Variants in SGCD observed in about 807,000 individuals in gnomAD.
SGCD encodes the protein sarcoglycan delta.
SGCD carries 18 observed loss-of-function variants against 36.6 expected under a neutral mutation model. The ratio of observed to expected loss-of-function variants is 0.49; its 90% CI spans 0.34 to 0.73. The LOEUF (loss-of-function observed/expected upper bound fraction) is 0.73, where lower values mean the gene tolerates loss of function less well. Among genes scored for constraint, SGCD ranks in the 30% least tolerant of loss-of-function variants. SGCD has a pLI of 0.01. For missense variants in SGCD, 387 were observed against 346.7 expected (o/e 1.12, Z -0.92); for synonymous variants, 133 against 130.6 (o/e 1.02, Z -0.12).
At chr5:156,171,558 A>G (rs901546371) in intron 3 of SGCD, among the ~76,000 whole-genome samples, 1 of 152,330 alleles carries the variant, frequency 6.6e-6, no homozygotes, top group East Asian at 1.9e-4. Flanking sequence ...TCACATTGTT[A>G]CGGTAACATT....
intron 3 of SGCD, among the ~76,000 whole-genome samples, chr5:156,310,624 T>G (rs1273663575): frequency 6.6e-6 from 1 of 152,188 alleles, no homozygotes; most frequent in African/African-American, 2.4e-5. Context: ...TTCAGTGAAA[T>G]TATTGTCTAG....
rs142965069 is a variant in SGCD, at chr5:156,269,252, G to A, written c.-43-60282G>A. On this transcript the variant is annotated intron_variant, in intron 3 of 9. Coordinates refer to the SGCD transcript ENST00000517913. ...TGGGAGTCCGAGACAGGCAGATCAC[G>A]AGGTCAGGAGATCAAGACCATCCTG... 1.6e-3 allele frequency among the ~76,000 whole-genome samples: 236 copies of A among 151,824 alleles called. 2 individuals carry two copies. In the East Asian group the frequency reaches 0.044, roughly 29 times the overall value.
At chr5:156,402,786 C>T (rs1772222996) in intron 3 of SGCD, among the ~76,000 whole-genome samples, 1 of 152,156 alleles carries the variant, frequency 6.6e-6, no homozygotes, top group Non-Finnish European at 1.5e-5. Context: ...GAAGCTAGTT[C>T]TACTTGGACG....
At chr5:155,840,588 T>TTG in the SGCD span, among the ~76,000 whole-genome samples, 59,825 of 146,776 alleles carry the variant, frequency 0.41, 13,112 homozygotes, top group African/African-American at 0.56. Flanking sequence ...TGCACCCGGC[T>TTG]TGTGTGTGTG....
chr5:155,850,782 A>G, the SGCD span, among the ~76,000 whole-genome samples: 1 of 152,142 alleles, frequency 6.6e-6, no homozygotes, highest in Non-Finnish European at 1.5e-5. Flanking sequence ...TTTCACAAAG[A>G]CAGAGCTATG....
chr5:156,307,482 A>G (rs1023665404), intron 3 of SGCD, among the ~76,000 whole-genome samples: 1 of 147,048 alleles, frequency 6.8e-6, no homozygotes, highest in Non-Finnish European at 1.5e-5. Flanking sequence ...AATCATTTAC[A>G]TTTCAAGTAA....
At chr5:155,900,709 T>C (rs1281135866) in intron 1 of SGCD, among the ~76,000 whole-genome samples, 3 of 152,034 alleles carry the variant, frequency 2.0e-5, no homozygotes, top group Non-Finnish European at 4.4e-5. Flanking sequence ...GTAAGAATTC[T>C]CAAAATGCAG....
chr5:156,588,314 T>A (rs1180884213), intron 4 of SGCD, among the ~76,000 whole-genome samples: 1 of 152,054 alleles, frequency 6.6e-6, no homozygotes, highest in African/African-American at 2.4e-5. Flanking sequence ...CATATTCAGA[T>A]TATATTAAAT....
chr5:155,907,656 A>G (rs115748875), intron 1 of SGCD, among the ~76,000 whole-genome samples: 1,748 of 152,216 alleles, frequency 0.011, 9 homozygotes, highest in Non-Finnish European at 0.019. Context: ...ATGTGACTGA[A>G]TTACTACAGT....
chr5:155,730,398 A>G, the SGCD span, among the ~76,000 whole-genome samples: 1 of 147,450 alleles, frequency 6.8e-6, no homozygotes, highest in African/African-American at 2.5e-5. Flanking sequence ...TGGAATGTCT[A>G]TAAAGGAGGT....
At chr5:156,166,893 C>T (rs1162966619) in intron 3 of SGCD, among the ~76,000 whole-genome samples, 3 of 152,138 alleles carry the variant, frequency 2.0e-5, no homozygotes, top group South Asian at 2.1e-4. Context: ...CTCAAACCTG[C>T]GGGGCGAAGA....
At chr5:156,173,595 T>G (rs1167866439) in intron 3 of SGCD, among the ~76,000 whole-genome samples, 1 of 152,206 alleles carries the variant, frequency 6.6e-6, no homozygotes, top group Non-Finnish European at 1.5e-5. Flanking sequence ...TTTCAATACA[T>G]AAGTTATCAT....
intron 1 of SGCD, among the ~76,000 whole-genome samples, chr5:156,069,956 C>T (rs1054814551): frequency 2.2e-4 from 34 of 151,946 alleles, no homozygotes; most frequent in Admixed American, 7.2e-4. Context: ...TATAAGACTG[C>T]TTGTGATTTT....
At chr5:156,157,455 C>T (rs1443580403) in intron 3 of SGCD, among the ~76,000 whole-genome samples, 3 of 151,740 alleles carry the variant, frequency 2.0e-5, no homozygotes, top group Non-Finnish European at 2.9e-5. Flanking sequence ...TGTCCACCAA[C>T]ATTCTTTAGA....
intron 7 of SGCD, among the ~76,000 whole-genome samples, chr5:156,729,202 C>T (rs574307982): frequency 6.6e-6 from 1 of 152,284 alleles, no homozygotes; most frequent in Admixed American, 6.5e-5. Flanking sequence ...TTGGATTTTT[C>T]TGAGGAGCTT....
intron 7 of SGCD, among the ~76,000 whole-genome samples, chr5:156,650,172 C>T (rs1365977695): frequency 6.6e-6 from 1 of 152,142 alleles, no homozygotes; most frequent in Admixed American, 6.6e-5. Flanking sequence ...TATAAACAAC[C>T]CTGAAACTTA....
rs534831376 is a variant in SGCD at position 156,542,794 on chromosome 5, T to C, written c.294+34092T>C. ...TAGCAATAACCACATCCTTAGGTTCTGCTGTGCTGCCTTGCAACACGCTGG... is the reference window on the plus strand; with the variant it reads ...TAGCAATAACCACATCCTTAGGTTCCGCTGTGCTGCCTTGCAACACGCTGG... On this transcript the variant is annotated intron_variant, in intron 4 of 8. Coordinates refer to ENST00000337851, the MANE Select transcript of SGCD (RefSeq NM_000337.6). Among the ~76,000 whole-genome samples, 3 of 152,312 alleles carry C rather than the reference T, an allele frequency of 2.0e-5. 1 individual carries two copies. The South Asian group carries it at 6.2e-4, about 32-fold the overall frequency.
the SGCD span, among the ~76,000 whole-genome samples, chr5:155,752,691 A>G: frequency 2.0e-5 from 3 of 152,170 alleles, 1 homozygote; most frequent in African/African-American, 7.2e-5. Flanking sequence ...TATTTATCTT[A>G]TAGAATAAAA....
chr5:156,116,782 T>C (rs1043545943), intron 1 of SGCD, among the ~76,000 whole-genome samples: 2 of 152,166 alleles, frequency 1.3e-5, no homozygotes, highest in Non-Finnish European at 2.9e-5. Context: ...CATTAGTTTA[T>C]TGGAAAGATT....
Sources: gnomAD v4.1 joint callset for allele counts (sites outside exome capture counted in the v4.1 genomes callset) on GRCh38, gnomAD v4.1.1 for gene constraint, MANE v1.5 for transcripts, NCBI Gene and HGNC (gene_info 2026-07-23, HGNC 2026-07-21) for gene names.